The following SPIDR variants were observed in gnomAD, a reference collection of about 807,000 sequenced individuals.
SPIDR encodes scaffold protein involved in DNA repair.
In SPIDR, 93 loss-of-function variants were observed where a neutral mutation model predicts 104.6. The ratio of observed to expected loss-of-function variants is 0.89; its 90% CI spans 0.75 to 1.06. The LOEUF is 1.06. Ranked by LOEUF, SPIDR falls within the 50% of genes least tolerant of loss-of-function variation. The pLI is 0.00. For synonymous variants in SPIDR, 431 were observed against 416.9 expected (o/e 1.03, Z -0.41); for missense variants, 1,154 against 1,111.2 (o/e 1.04, Z -0.55).
intron 16 of SPIDR, among the ~76,000 whole-genome samples, chr8:47,718,725 AAGAATAG>A (rs2082937632): frequency 2.0e-5 from 3 of 152,194 alleles, no homozygotes. Flanking sequence ...AGAAATATTG[AAGAATAG>A]AAATACGGTC....
At chr8:47,727,364 TG>T in intron 17 of SPIDR, 71 bp downstream of exon 17, 1 of 1,405,406 alleles carries the variant, frequency 7.1e-7, no homozygotes, top group South Asian at 1.2e-5. Context: ...CCCCAGAACC[TG>T]GGCCTTGCTA....
chr8:47,440,696 C>T (rs2306975), intron 8 of SPIDR, among the ~76,000 whole-genome samples, 154 bp downstream of exon 8: 35,463 of 152,170 alleles, frequency 0.23, 5,191 homozygotes, highest in East Asian at 0.33. Flanking sequence ...CAGAGAAGCA[C>T]TGGATTGTCT....
intron 11 of SPIDR, among the ~76,000 whole-genome samples, chr8:47,700,097 C>T (rs1271972975): frequency 6.6e-6 from 1 of 152,132 alleles, no homozygotes; most frequent in Non-Finnish European, 1.5e-5. Context: ...TTTTTCTTAG[C>T]AGGGTATCAC....
intron 8 of SPIDR, among the ~76,000 whole-genome samples, chr8:47,573,208 A>G (rs2058724428): frequency 6.6e-6 from 1 of 152,228 alleles, no homozygotes; most frequent in African/African-American, 2.4e-5. Flanking sequence ...GTTTTTCGGC[A>G]GGCTTAGCAC....
chr8:47,584,376 A>G (rs940255829), intron 8 of SPIDR, among the ~76,000 whole-genome samples: 8 of 152,356 alleles, frequency 5.3e-5, no homozygotes, highest in Admixed American at 5.2e-4. Flanking sequence ...TATTTTCAAT[A>G]ACATTTCTGC....
intron 10 of SPIDR, chr8:47,673,361 C>T: frequency 4.4e-6 from 2 of 455,234 alleles, no homozygotes; most frequent in Non-Finnish European, 8.8e-6. Context: ...GTAATGTTAT[C>T]CTGCAGCTTT....
intron 7 of SPIDR, among the ~76,000 whole-genome samples, chr8:47,427,835 C>T (rs1387993297): frequency 6.6e-6 from 1 of 152,144 alleles, no homozygotes; most frequent in Non-Finnish European, 1.5e-5. Flanking sequence ...AGGCTGGGGG[C>T]CCCTGAGATG....
chr8:47,287,765 G>T (rs947703314), intron 3 of SPIDR, among the ~76,000 whole-genome samples: 12 of 152,104 alleles, frequency 7.9e-5, no homozygotes, highest in Admixed American at 6.5e-5. Context: ...TTTTCAAGGT[G>T]CACTGATTTC....
chr8:47,608,524 T>C (rs1327961705), intron 10 of SPIDR, among the ~76,000 whole-genome samples: 1 of 152,208 alleles, frequency 6.6e-6, no homozygotes, highest in Non-Finnish European at 1.5e-5. Flanking sequence ...TGCCACAGTA[T>C]TTTCCAAAGT....
intron 1 of SPIDR, among the ~76,000 whole-genome samples, chr8:47,275,120 G>A (rs910153461): frequency 5.3e-5 from 8 of 151,630 alleles, no homozygotes; most frequent in East Asian, 2.0e-4. Context: ...TTAGCCGCGC[G>A]TGGTGGGGGG....
intron 8 of SPIDR, among the ~76,000 whole-genome samples, chr8:47,578,980 A>G (rs2059428445): frequency 6.6e-6 from 1 of 152,222 alleles, no homozygotes; most frequent in Non-Finnish European, 1.5e-5. Context: ...TATGAGGCTT[A>G]AACTTCTTAT....
chr8:47,585,159 C>T (rs2060132676), intron 8 of SPIDR, among the ~76,000 whole-genome samples: 1 of 152,098 alleles, frequency 6.6e-6, no homozygotes, highest in African/African-American at 2.4e-5. Flanking sequence ...GAGCCCAGAA[C>T]ATAGTACGTG....
chr8:47,316,560 A>G (rs587721688), intron 5 of SPIDR, among the ~76,000 whole-genome samples: 3 of 152,322 alleles, frequency 2.0e-5, no homozygotes, highest in Admixed American at 2.0e-4. Flanking sequence ...CAACAACATA[A>G]TGAATTTCAA....
chr8:47,402,461 C>T (rs2062040840), intron 6 of SPIDR, among the ~76,000 whole-genome samples: 2 of 151,850 alleles, frequency 1.3e-5, no homozygotes, highest in Middle Eastern at 3.4e-3. Flanking sequence ...GCTAGCAGGA[C>T]TAATAAAGAA....
rs560953600 is a variant in SPIDR, at chr8:47,456,802, C to T, written c.1097+16260C>T. Among the ~76,000 whole-genome samples the T allele has an allele frequency of 6.6e-5, 10 of 151,770 alleles. 1 individual carries two copies. Among genetic ancestry groups the T allele is most frequent in the South Asian group, 6.3e-4 (3 of 4,794 alleles). ...CCCAAAGTCCACTGTATCATTCTTA[C>T]GCCTTTGCATCCTCATAGCTTAGCT... On this transcript the variant is annotated intron_variant, in intron 8 of 19. Coordinates refer to ENST00000297423, the MANE Select transcript of SPIDR (RefSeq NM_001080394.4).
intron 5 of SPIDR, among the ~76,000 whole-genome samples, chr8:47,345,204 A>C (rs2051661537): frequency 6.6e-6 from 1 of 152,198 alleles, no homozygotes; most frequent in South Asian, 2.1e-4. Context: ...TCCCAGCACC[A>C]TTTATTAAAT....
At chr8:47,490,513 T>G (rs1204253216) in intron 8 of SPIDR, among the ~76,000 whole-genome samples, 3 of 152,232 alleles carry the variant, frequency 2.0e-5, no homozygotes, top group Non-Finnish European at 4.4e-5. Flanking sequence ...CCGAAAGGAT[T>G]ATGAATCATG....
intron 5 of SPIDR, among the ~76,000 whole-genome samples, chr8:47,298,278 A>G (rs1321090430): frequency 6.6e-6 from 1 of 152,152 alleles, no homozygotes; most frequent in Non-Finnish European, 1.5e-5. Context: ...GTCTGTTCAT[A>G]TCCTTTGCCC....
chr8:47,566,245 A>T (rs1310738825), intron 8 of SPIDR, among the ~76,000 whole-genome samples: 1 of 151,602 alleles, frequency 6.6e-6, no homozygotes, highest in Non-Finnish European at 1.5e-5. Context: ...ACCTCAGGTG[A>T]TCTGCCCGCC....
Sources: gnomAD v4.1 joint callset for allele counts (sites outside exome capture counted in the v4.1 genomes callset) on GRCh38, gnomAD v4.1.1 for gene constraint, MANE v1.5 for transcripts, NCBI Gene and HGNC (gene_info 2026-07-23, HGNC 2026-07-21) for gene names.